PIGB: variants seen among roughly 807,000 people sequenced by gnomAD.
The protein encoded by PIGB is GPI alpha-1,2-mannosyltransferase 3.
PIGB carries 58 observed loss-of-function variants against 68.4 expected under a neutral mutation model. The ratio of observed to expected loss-of-function variants is 0.85; its 90% CI spans 0.69 to 1.06. PIGB has a LOEUF of 1.06. Ranked by LOEUF, PIGB falls within the 50% of genes least tolerant of loss-of-function variation. The pLI, the probability that PIGB is intolerant of heterozygous loss-of-function variation, is 0.00. For synonymous variants in PIGB, 219 were observed against 220.5 expected (o/e 0.99, Z 0.06); for missense variants, 634 against 655.8 (o/e 0.97, Z 0.36).
intron 5 of PIGB, among the ~76,000 whole-genome samples, chr15:55,330,265 G>A (rs2055384236): frequency 6.6e-6 from 1 of 152,142 alleles, no homozygotes; most frequent in Non-Finnish European, 1.5e-5. Context: ...GACAGCCAGG[G>A]AACTAAATAA....
Position 55,354,839 on chromosome 15 carries a change from C to T in PIGB, c.1379C>T (p.Pro460Leu), listed in dbSNP as rs377161481. ...CTTCCCATGAGATTTCTCCAGTGCCCGCCAGACCTGACTGGAAAAAGTCAT... is the reference window on the plus strand; with the variant it reads ...CTTCCCATGAGATTTCTCCAGTGCCTGCCAGACCTGACTGGAAAAAGTCAT... ...CPLPMRFLQC[P>L]PDLTGKSHYL... Residue 460 changes from proline to leucine, a missense_variant, in exon 11 of 12, where the codon CCG becomes CTG. Transcript: ENST00000164305. The T allele has an allele frequency of 2.4e-4, 381 of 1,613,604 alleles. 2 individuals are homozygous for T. Among genetic ancestry groups the T allele is most frequent in the Non-Finnish European group, 2.9e-4 (346 of 1,179,732 alleles).
chr15:55,329,775 C>T lies in PIGB; in HGVS notation c.574C>T (p.Leu192Phe), dbSNP rs753773713. Residue 192 changes from leucine (L) to phenylalanine (F), a missense_variant, in exon 5 of 12, where the codon CTT (leucine) becomes TTT (phenylalanine). Physicochemically the swap from Leu to Phe is conservative, Grantham distance 22. Transcript: ENST00000164305. ...CACATGGTATTGCTGTACCAGAACC[C>T]TTACAAACACCATGGAAACTGTTCT... is the stretch of plus-strand genomic sequence containing the variant. ...WFTWYCCTRT[L>F]TNTMETVLTI... 6.2e-7 allele frequency: 1 copy of T among 1,610,208 alleles called. No individual in the cohort carries two copies. The highest frequency in any genetic ancestry group is 1.3e-5 in the African/African-American group (1 of 74,848).
intron 5 of PIGB, among the ~76,000 whole-genome samples, chr15:55,331,128 A>G (rs1032916138): frequency 1.3e-5 from 2 of 152,078 alleles, no homozygotes; most frequent in African/African-American, 4.8e-5. Flanking sequence ...TAGTCTCTCC[A>G]CTTCTGTTTT....
chr15:55,330,894 C>T (rs933952056), intron 5 of PIGB, among the ~76,000 whole-genome samples: 4 of 152,072 alleles, frequency 2.6e-5, no homozygotes, highest in Admixed American at 6.5e-5. Flanking sequence ...ACTCAAGTTA[C>T]GTATATGATG....
chr15:55,325,909 C>T (rs892070927), intron 3 of PIGB, among the ~76,000 whole-genome samples: 2 of 151,756 alleles, frequency 1.3e-5, no homozygotes, highest in African/African-American at 4.8e-5. Context: ...GAGCAAGACT[C>T]CATCTCGCTG....
chr15:55,349,645 T>C (rs939530434), intron 9 of PIGB: 2 of 152,200 alleles, frequency 1.3e-5, no homozygotes, highest in Non-Finnish European at 2.9e-5. Context: ...GGACATGTGA[T>C]ATTCCAACTC....
At chr15:55,346,646 T>C (rs371186901) in intron 9 of PIGB, 6 of 152,204 alleles carry the variant, frequency 3.9e-5, no homozygotes, top group African/African-American at 1.4e-4. Context: ...GTCTTAAATC[T>C]TCAGTGATTG....
Position 55,331,948 on chromosome 15 carries a change from G to T in PIGB, c.654-1919G>T, listed in dbSNP as rs188170167. ...AGGATTCCTTCATGACAATACCATG[G>T]TTCAAACTTAGCCTACATTTCTCAT... is the stretch of plus-strand genomic sequence containing the variant. On this transcript the variant is annotated intron_variant, in intron 5 of 11. Transcript: ENST00000164305. Among the ~76,000 whole-genome samples the T allele has an allele frequency of 2.4e-3, 368 of 151,926 alleles. 2 individuals carry two copies. Among genetic ancestry groups the T allele is most frequent in the Non-Finnish European group, 4.0e-3 (274 of 67,940 alleles).
chr15:55,349,295 G>A (rs2055872942), intron 9 of PIGB, among the ~76,000 whole-genome samples: 1 of 152,044 alleles, frequency 6.6e-6, no homozygotes, highest in Non-Finnish European at 1.5e-5. Flanking sequence ...TGAACCTCCT[G>A]CCTCAGCCTT....
At chr15:55,340,570 G>C in intron 7 of PIGB, 42 bp from the exon 8 acceptor site, 1 of 1,321,646 alleles carries the variant, frequency 7.6e-7, no homozygotes. Context: ...TTACTACTTG[G>C]CACTAACACA....
chr15:55,321,292 G>A lies in PIGB; in HGVS notation c.319G>A (p.Glu107Lys). ...MVFNYGYLTW[E>K]WTERLRSYTY... ...TACTAATTATGGTTATTTGACTTGG[G>A]AATGGACAGAGAGACTGAGGAGTTA... Residue 107 changes from glutamate to lysine, a missense_variant, in exon 3 of 12, where the codon GAA becomes AAA. Glu to Lys is a moderately conservative substitution (Grantham distance 56). Coordinates refer to ENST00000164305, the MANE Select transcript of PIGB (RefSeq NM_004855.5). 1 of 1,603,104 alleles carries A rather than the reference G, an allele frequency of 6.2e-7. No individual in the cohort carries two copies. The highest frequency in any genetic ancestry group is 8.5e-7 in the Non-Finnish European group (1 of 1,173,440).
Position 55,339,298 on chromosome 15 carries a change from G to T in PIGB, c.826G>T (p.Asp276Tyr). ...FVTLSLSLMI[D>Y]RIFFGQWTLV... Reference sequence around the variant, plus strand: ...TACTTTGAGTTTGTCTCTGATGATTGATCGTATTTTTTTTGGCCAAGTAAG... The same window carrying T: ...TACTTTGAGTTTGTCTCTGATGATTTATCGTATTTTTTTTGGCCAAGTAAG... Residue 276 changes from aspartate (D) to tyrosine (Y), a missense_variant, in exon 7 of 12, where the codon GAT becomes TAT. Transcript: ENST00000164305. 3 of 1,553,288 alleles carry T rather than the reference G, an allele frequency of 1.9e-6. No homozygotes were observed. The highest frequency in any genetic ancestry group is 1.2e-5 in the South Asian group (1 of 83,700).
intron 3 of PIGB, among the ~76,000 whole-genome samples, chr15:55,321,646 C>CTTTTTTTT (rs966940527): frequency 2.6e-4 from 18 of 68,328 alleles, no homozygotes; most frequent in Admixed American, 7.8e-4. Context: ...ATACTTCTTT[C>CTTTTTTTT]TTTTTTTTTT....
At chr15:55,342,688 C>A (rs1248316741) in intron 9 of PIGB, among the ~76,000 whole-genome samples, 1 of 152,218 alleles carries the variant, frequency 6.6e-6, no homozygotes, top group East Asian at 1.9e-4. Context: ...CCACCGCGCC[C>A]AGCCTGGCAT....
chr15:55,326,347 G>A (rs748199745), intron 3 of PIGB, among the ~76,000 whole-genome samples: 1 of 152,088 alleles, frequency 6.6e-6, no homozygotes, highest in Non-Finnish European at 1.5e-5. Flanking sequence ...AGGCAGACCT[G>A]GGTTTATAAT....
intron 7 of PIGB, 153 bp from the exon 8 acceptor site, chr15:55,340,455 TAAAA>T (rs377443578): frequency 0.033 from 10,459 of 315,092 alleles, 85 homozygotes; most frequent in Non-Finnish European, 0.039. Context: ...GACTCCATCT[TAAAA>T]AAAAAAAAAA....
At chr15:55,351,019 T>C in intron 10 of PIGB, 107 bp downstream of exon 10, 1 of 631,872 alleles carries the variant, frequency 1.6e-6, no homozygotes, top group Non-Finnish European at 2.7e-6. Context: ...GATCAAATGA[T>C]AAATTTTAAA....
At chr15:55,331,736 G>A (rs1358609503) in intron 5 of PIGB, among the ~76,000 whole-genome samples, 1 of 151,972 alleles carries the variant, frequency 6.6e-6, no homozygotes, top group East Asian at 1.9e-4. Flanking sequence ...TGTGGAGATG[G>A]GGTCTCTTTA....
chr15:55,320,839 A>G (rs750263030), intron 2 of PIGB, among the ~76,000 whole-genome samples: 9 of 152,140 alleles, frequency 5.9e-5, no homozygotes, highest in Non-Finnish European at 1.2e-4. Flanking sequence ...ATTTTCCCCA[A>G]ATAATTTTAA....
Sources: gnomAD v4.1 joint callset for allele counts (sites outside exome capture counted in the v4.1 genomes callset) on GRCh38, gnomAD v4.1.1 for gene constraint, MANE v1.5 for transcripts, NCBI Gene and HGNC (gene_info 2026-07-23, HGNC 2026-07-21) for gene names.